Variants in DZANK1 observed in about 807,000 individuals in gnomAD.
DZANK1 encodes the protein double zinc ribbon and ankyrin repeat-containing protein 1.
DZANK1 carries 91 observed loss-of-function variants against 94.5 expected under a neutral mutation model. That is an observed-to-expected ratio of 0.96 (90% CI 0.81 to 1.15). DZANK1 has a LOEUF of 1.15. Ranked by LOEUF, DZANK1 falls within the 50% of genes most tolerant of loss-of-function variation. The probability of loss-of-function intolerance (pLI) is 0.00; values close to 1 mark genes in which losing one functional copy is unlikely to be tolerated. For missense variants in DZANK1, 903 were observed against 916.4 expected (o/e 0.99, Z 0.19); for synonymous variants, 312 against 325.3 (o/e 0.96, Z 0.44).
intron 2 of DZANK1, among the ~76,000 whole-genome samples, chr20:18,461,141 C>T (rs997932642): frequency 6.6e-6 from 1 of 152,184 alleles, no homozygotes; most frequent in South Asian, 2.1e-4. Flanking sequence ...CCCACGACAC[C>T]AGCTTCCCAG....
chr20:18,404,837 A>C (rs539830381), intron 13 of DZANK1, among the ~76,000 whole-genome samples: 7 of 152,178 alleles, frequency 4.6e-5, no homozygotes, highest in Admixed American at 4.6e-4. Flanking sequence ...TCTTGAGCCC[A>C]AGATTTGGAG....
At chr20:18,462,937 TAA>T (rs61694583) in intron 2 of DZANK1, among the ~76,000 whole-genome samples, 105,721 of 111,424 alleles carry the variant, frequency 0.95, 50,166 homozygotes, top group East Asian at 0.97. Flanking sequence ...GACTCGGTCT[TAA>T]AAAAAAAAAA....
intron 13 of DZANK1, among the ~76,000 whole-genome samples, chr20:18,408,634 A>T (rs2057077792): frequency 6.6e-6 from 1 of 152,214 alleles, no homozygotes; most frequent in East Asian, 1.9e-4. Context: ...AAAAAAATTA[A>T]AAAAGTTTTA....
chr20:18,394,429 C>G (rs2056210910), intron 15 of DZANK1, 79 bp from the exon 16 acceptor site: 6 of 1,342,306 alleles, frequency 4.5e-6, no homozygotes. Context: ...CCCTTCTAAC[C>G]TGCTCCTCCT....
chr20:18,462,387 G>A (rs1241024467), intron 2 of DZANK1, among the ~76,000 whole-genome samples: 3 of 152,190 alleles, frequency 2.0e-5, no homozygotes, highest in South Asian at 2.1e-4. Context: ...AGAGAGAAGC[G>A]TAAGGAGAAG....
chr20:18,434,326 T>C lies in DZANK1; in HGVS notation c.748-561A>G, dbSNP rs188193819. Reference sequence around the variant, plus strand: ...TTGGGAGGCCGAGGTGGGTGGATCATCTAAGGTCAGGAGTTTGAGACCAGC... The same window carrying C: ...TTGGGAGGCCGAGGTGGGTGGATCACCTAAGGTCAGGAGTTTGAGACCAGC... On this transcript the variant is annotated intron_variant, in intron 8 of 20. Coordinates refer to ENST00000262547, the Ensembl canonical transcript of DZANK1. Among the ~76,000 whole-genome samples the C allele has an allele frequency of 5.0e-3, 759 of 151,764 alleles. 6 individuals carry two copies. The highest frequency in any genetic ancestry group is 0.046 in the South Asian group (219 of 4,786).
At chr20:18,405,331 C>T (rs960481622) in intron 13 of DZANK1, among the ~76,000 whole-genome samples, 5 of 151,558 alleles carry the variant, frequency 3.3e-5, no homozygotes, top group Admixed American at 6.6e-5. Flanking sequence ...TCACAAGAGG[C>T]GCTCAACAGT....
chr20:18,447,213 C>G (rs1310608804), intron 7 of DZANK1, among the ~76,000 whole-genome samples: 1 of 152,104 alleles, frequency 6.6e-6, no homozygotes, highest in African/African-American at 2.4e-5. Flanking sequence ...TGGTGGCTCA[C>G]GCCTATAATC....
intron 8 of DZANK1, among the ~76,000 whole-genome samples, chr20:18,438,667 C>T (rs368121393): frequency 8.9e-4 from 135 of 152,298 alleles, no homozygotes; most frequent in South Asian, 7.0e-3. Context: ...CTGTATTAGT[C>T]TGTTCAGGCT....
At chr20:18,426,719 C>T (rs1401837994) in intron 10 of DZANK1, among the ~76,000 whole-genome samples, 1 of 152,152 alleles carries the variant, frequency 6.6e-6, no homozygotes, top group Non-Finnish European at 1.5e-5. Flanking sequence ...AGACAATGGA[C>T]TATGGGGTGT....
At position 18,445,930 on chromosome 20, in the gene DZANK1, G is replaced by T. The variant is rs186198844; in HGVS notation, c.630-2466C>A. The stretch of plus-strand genomic sequence containing the variant: ...GTGCCACCATGCCTAATTTTTTTTT[G>T]GTATGTATATTTTTAGCAGAGACGG... On this transcript the variant is annotated intron_variant, in intron 7 of 20. Coordinates refer to ENST00000262547, the Ensembl canonical transcript of DZANK1. Among the ~76,000 whole-genome samples the T allele has an allele frequency of 2.4e-3, 366 of 151,040 alleles. 6 individuals are homozygous for T. Among genetic ancestry groups the T allele is most frequent in the Admixed American group, 0.02 (309 of 15,200 alleles).
intron 19 of DZANK1, among the ~76,000 whole-genome samples, chr20:18,389,168 A>C (rs2048693766): frequency 6.6e-6 from 1 of 152,236 alleles, no homozygotes; most frequent in South Asian, 2.1e-4. Flanking sequence ...TGGGAGGGTA[A>C]GTAACAGGAC....
intron 2 of DZANK1, among the ~76,000 whole-genome samples, chr20:18,460,561 C>T (rs1218535734): frequency 1.3e-5 from 2 of 152,128 alleles, no homozygotes; most frequent in Non-Finnish European, 2.9e-5. Flanking sequence ...AACCCCATCT[C>T]TACTAAAAAT....
At chr20:18,385,725 C>T (rs1001771829) in intron 19 of DZANK1, among the ~76,000 whole-genome samples, 4 of 152,036 alleles carry the variant, frequency 2.6e-5, no homozygotes, top group East Asian at 1.9e-4. Context: ...CTCTTGGGCA[C>T]GATAGTAGCT....
intron 2 of DZANK1, among the ~76,000 whole-genome samples, 176 bp from the exon 3 acceptor site, chr20:18,460,482 C>G (rs1248380010): frequency 5.3e-5 from 8 of 152,202 alleles, no homozygotes; most frequent in Admixed American, 6.5e-5. Context: ...GTAATCCCAG[C>G]ACTTTGGGAG....
At chr20:18,440,431 T>C (rs373048887) in intron 8 of DZANK1, among the ~76,000 whole-genome samples, 6 of 152,210 alleles carry the variant, frequency 3.9e-5, no homozygotes, top group Admixed American at 3.9e-4. Flanking sequence ...TTTCAAGTCA[T>C]ATTGTCTTCA....
At chr20:18,384,982 C>T (rs866844266) in intron 20 of DZANK1, 34 bp downstream of exon 20, 3 of 1,545,694 alleles carry the variant, frequency 1.9e-6, no homozygotes, top group Middle Eastern at 3.4e-4. Flanking sequence ...CCCTGTGGCC[C>T]TCAAAAGTAT....
chr20:18,424,469 CAAA>C (rs1259005733), intron 10 of DZANK1, among the ~76,000 whole-genome samples: 3 of 101,026 alleles, frequency 3.0e-5, no homozygotes, highest in Non-Finnish European at 2.1e-5. Context: ...ACAACAACAA[CAAA>C]AAAAAAAAAA....
intron 8 of DZANK1, chr20:18,434,038 C>T (rs1337791474): frequency 3.0e-6 from 1 of 334,776 alleles, no homozygotes; most frequent in African/African-American, 2.1e-5. Flanking sequence ...TATCAAATAA[C>T]ACTATGTACC....
Sources: gnomAD v4.1 joint callset for allele counts (sites outside exome capture counted in the v4.1 genomes callset) on GRCh38, gnomAD v4.1.1 for gene constraint, MANE v1.5 for transcripts, NCBI Gene and HGNC (gene_info 2026-07-23, HGNC 2026-07-21) for gene names.